The following CASD1 variants were observed in gnomAD, a reference collection of about 807,000 sequenced individuals.
CASD1 encodes CAS1 domain sialic acid O acetyltransferase 1.
Under a neutral mutation model 100.0 loss-of-function variants are expected in CASD1, and 41 were observed. The observed-to-expected ratio is 0.41, with a 90% CI of 0.32 to 0.53. The LOEUF (loss-of-function observed/expected upper bound fraction) is 0.53, where lower values mean the gene tolerates loss of function less well. Among genes scored for constraint, CASD1 ranks in the 20% least tolerant of loss-of-function variants. The probability of loss-of-function intolerance (pLI) is 0.25; values close to 1 mark genes in which losing one functional copy is unlikely to be tolerated. For missense variants in CASD1, 774 were observed against 948.7 expected (o/e 0.82, Z 2.42); for synonymous variants, 321 against 315.6 (o/e 1.02, Z -0.18).
chr7:94,627,506 A>G, the CASD1 span: 8 of 152,026 alleles, frequency 5.3e-5, no homozygotes, highest in African/African-American at 1.9e-4. Flanking sequence ...CATTCCCATC[A>G]TTTACCTACT....
chr7:94,579,301 A>G, the CASD1 span, among the ~76,000 whole-genome samples: 3 of 151,994 alleles, frequency 2.0e-5, no homozygotes, highest in African/African-American at 7.2e-5. Context: ...CTAACATTTA[A>G]TTTGCTTTAG....
intron 10 of CASD1, among the ~76,000 whole-genome samples, chr7:94,542,075 G>T (rs571508793): frequency 1.3e-5 from 2 of 152,308 alleles, no homozygotes; most frequent in African/African-American, 2.4e-5. Flanking sequence ...TTGTTTAAAT[G>T]AATTATACTT....
chr7:94,614,051 C>T, the CASD1 span, among the ~76,000 whole-genome samples: 1 of 143,526 alleles, frequency 7.0e-6, no homozygotes, highest in Non-Finnish European at 1.5e-5. Flanking sequence ...TAATAATTCT[C>T]TTGCAAGCCA....
At chr7:94,542,437 A>C (rs1174144142) in intron 10 of CASD1, among the ~76,000 whole-genome samples, 1 of 152,236 alleles carries the variant, frequency 6.6e-6, no homozygotes, top group African/African-American at 2.4e-5. Flanking sequence ...AAAGAATGAA[A>C]ATATCTCATG....
Position 94,537,583 on chromosome 7 carries a change from T to G in CASD1, c.955T>G (p.Phe319Val), listed in dbSNP as rs1366231267. The change falls in exon 9 of 18, where the codon TTT (phenylalanine) becomes GTT (valine). Residue 319 changes from phenylalanine to valine, a missense_variant. Physicochemically the swap from Phe to Val is conservative, Grantham distance 50. Coordinates refer to ENST00000297273, the MANE Select transcript of CASD1 (RefSeq NM_022900.5). ...TCTCATACAGAAGCTAGCTGCTTGT[T>G]TTTTCACTTTATCTATTATCGGATA... ...VTLIQKLAAC[F>V]FTLSIIGYLI... The G allele has an allele frequency of 3.1e-6, 5 of 1,613,910 alleles. No homozygotes were observed. The highest frequency in any genetic ancestry group is 4.2e-6 in the Non-Finnish European group (5 of 1,179,876).
chr7:94,602,043 A>G, the CASD1 span, among the ~76,000 whole-genome samples: 4 of 152,134 alleles, frequency 2.6e-5, no homozygotes, highest in Admixed American at 1.3e-4. Flanking sequence ...CAAGGAGTAT[A>G]TCATTTTTTA....
chr7:94,612,219 CAT>C, the CASD1 span, among the ~76,000 whole-genome samples: 7 of 152,036 alleles, frequency 4.6e-5, no homozygotes, highest in Non-Finnish European at 8.8e-5. Context: ...CTCAAGGTAA[CAT>C]AAATGGGCAT....
chr7:94,587,991 CAA>C, the CASD1 span: 4 of 1,409,156 alleles, frequency 2.8e-6, no homozygotes, highest in Admixed American at 6.8e-5. Flanking sequence ...CTTGCTTTTC[CAA>C]AAGAGCTACA....
At chr7:94,527,900 G>A (rs1403386164) in intron 4 of CASD1, among the ~76,000 whole-genome samples, 1 of 152,142 alleles carries the variant, frequency 6.6e-6, no homozygotes, top group African/African-American at 2.4e-5. Flanking sequence ...TATTCTGAGG[G>A]CAGTAGAAAG....
the CASD1 span, chr7:94,589,486 C>G: frequency 6.6e-6 from 1 of 152,454 alleles, no homozygotes; most frequent in Non-Finnish European, 1.5e-5. Context: ...GAATAATCTT[C>G]TAAGACAGGG....
At chr7:94,520,858 G>A (rs377269972) in intron 3 of CASD1, among the ~76,000 whole-genome samples, 166 of 152,140 alleles carry the variant, frequency 1.1e-3, no homozygotes, top group African/African-American at 3.7e-3. Context: ...TTGGGAGGCC[G>A]AGGTGGGCGG....
At chr7:94,586,428 G>A in the CASD1 span, 3 of 152,100 alleles carry the variant, frequency 2.0e-5, no homozygotes, top group Non-Finnish European at 4.4e-5. Context: ...TGAACAGAAT[G>A]GAAATAAGGA....
the CASD1 span, chr7:94,617,391 T>A: frequency 1.3e-5 from 2 of 152,216 alleles, no homozygotes; most frequent in African/African-American, 4.8e-5. Flanking sequence ...AATGCCTTGT[T>A]TTTGTGCTGT....
At chr7:94,561,156 A>G (rs994609220), downstream of CASD1, among the ~76,000 whole-genome samples, 5 of 152,138 alleles carry the variant, frequency 3.3e-5, no homozygotes, top group African/African-American at 7.2e-5. Flanking sequence ...CTGAGGCAGG[A>G]GAATCGTTTG....
chr7:94,589,822 G>T, the CASD1 span: 4 of 180,494 alleles, frequency 2.2e-5, 1 homozygote, highest in Non-Finnish European at 4.5e-5. Context: ...ACATTATGGT[G>T]AGTTATATAA....
chr7:94,601,443 CAAAAAAAAAAAAAA>C, the CASD1 span, among the ~76,000 whole-genome samples: 12 of 89,358 alleles, frequency 1.3e-4, no homozygotes, highest in East Asian at 4.1e-4. Context: ...ATCCCAGTAT[CAAAAAAAAAAAAAA>C]AAAAAAAAAA....
the CASD1 span, chr7:94,619,720 A>G: frequency 6.6e-6 from 1 of 152,222 alleles, no homozygotes; most frequent in Admixed American, 6.5e-5. Context: ...AGGCAGGCCA[A>G]GCTAGGGGAC....
the CASD1 span, chr7:94,626,994 T>G: frequency 5.3e-5 from 8 of 152,082 alleles, no homozygotes; most frequent in Non-Finnish European, 1.2e-4. Flanking sequence ...GAATTGCATT[T>G]ATATATTTCT....
the CASD1 span, chr7:94,594,401 A>T: frequency 6.6e-6 from 1 of 152,106 alleles, no homozygotes; most frequent in Non-Finnish European, 1.5e-5. Flanking sequence ...AACTTACTAT[A>T]TGAGGGCATG....
Sources: gnomAD v4.1 joint callset for allele counts (sites outside exome capture counted in the v4.1 genomes callset) on GRCh38, gnomAD v4.1.1 for gene constraint, MANE v1.5 for transcripts, NCBI Gene and HGNC (gene_info 2026-07-23, HGNC 2026-07-21) for gene names.